The following CSMD1 variants were observed in gnomAD, a reference collection of about 807,000 sequenced individuals.
CSMD1 encodes CUB and Sushi multiple domains 1.
CSMD1 carries 213 observed loss-of-function variants against 417.5 expected under a neutral mutation model. The ratio of observed to expected loss-of-function variants is 0.51; its 90% CI spans 0.46 to 0.57. The LOEUF (loss-of-function observed/expected upper bound fraction) is 0.57, where lower values mean the gene tolerates loss of function less well. Among genes scored for constraint, CSMD1 ranks in the 20% least tolerant of loss-of-function variants. The probability of loss-of-function intolerance (pLI) is 0.00; values close to 1 mark genes in which losing one functional copy is unlikely to be tolerated. For synonymous variants in CSMD1, 2,862 were observed against 1,736.8 expected, an observed-to-expected ratio of 1.65 and a Z score of -16.11; for missense variants, 6,923 against 4,529.7, an observed-to-expected ratio of 1.53 and a Z score of -15.17.
At chr8:3,833,159 A>C (rs1802468716) in intron 5 of CSMD1, among the ~76,000 whole-genome samples, 1 of 152,170 alleles carries the variant, frequency 6.6e-6, no homozygotes, top group African/African-American at 2.4e-5. Flanking sequence ...TTAAAATTTC[A>C]GGAAAGTATA....
intron 5 of CSMD1, among the ~76,000 whole-genome samples, chr8:3,831,329 C>G (rs1032726604): frequency 6.6e-6 from 1 of 152,158 alleles, no homozygotes; most frequent in Admixed American, 6.6e-5. Flanking sequence ...ACAGCTCCAT[C>G]TGTCTCCTTC....
rs377532264 is a variant in CSMD1 at position 4,600,292 on chromosome 8, A to ACTC, written c.302+37047_302+37049dup. On this transcript the variant is annotated intron_variant, in intron 2 of 69. Coordinates refer to ENST00000635120, the MANE Select transcript of CSMD1 (RefSeq NM_033225.6). Reference sequence around the variant, plus strand: ...TTTGACTTCCAGGTTGACCTTAGGTACTCTATGTAGCAAATATAGAGATGG... The same window carrying ACTC: ...TTTGACTTCCAGGTTGACCTTAGGTACTCCTCTATGTAGCAAATATAGAGATGG... Among the ~76,000 whole-genome samples the ACTC allele has an allele frequency of 2.6e-5, 4 of 152,222 alleles. No individual in the cohort carries two copies. The East Asian group carries it at 7.7e-4, about 29-fold the overall frequency.
intron 1 of CSMD1, among the ~76,000 whole-genome samples, chr8:4,886,109 G>A (rs1051325813): frequency 6.6e-6 from 1 of 152,046 alleles, no homozygotes; most frequent in African/African-American, 2.4e-5. Context: ...TCCTGCCTCA[G>A]CCTCCTGAGT....
intron 24 of CSMD1, 48 bp from the exon 25 acceptor site, chr8:3,307,869 T>G: frequency 6.3e-7 from 1 of 1,585,572 alleles, no homozygotes; most frequent in African/African-American, 1.4e-5. Flanking sequence ...AGGCATCACA[T>G]GTTTCTATTT....
At chr8:4,603,214 A>G (rs1800689351) in intron 2 of CSMD1, among the ~76,000 whole-genome samples, 1 of 152,096 alleles carries the variant, frequency 6.6e-6, no homozygotes, top group South Asian at 2.1e-4. Flanking sequence ...CACCAAAGCA[A>G]TAGAAGAAAA....
intron 7 of CSMD1, among the ~76,000 whole-genome samples, chr8:3,703,676 G>T (rs929193206): frequency 5.3e-5 from 8 of 152,174 alleles, no homozygotes; most frequent in African/African-American, 1.9e-4. Flanking sequence ...AGATGAGCCT[G>T]CAGGATGTGC....
At chr8:3,152,433 C>G (rs1819254448) in intron 39 of CSMD1, among the ~76,000 whole-genome samples, 1 of 152,292 alleles carries the variant, frequency 6.6e-6, no homozygotes, top group East Asian at 1.9e-4. Context: ...ACAATGCTCT[C>G]ATTATGCAAA....
rs1391373336 is a variant in CSMD1, at chr8:4,212,016, TG to T, written c.416-179918del. Among the ~76,000 whole-genome samples the T allele has an allele frequency of 4.6e-5, 7 of 152,188 alleles. 1 individual carries two copies. Among genetic ancestry groups the T allele is most frequent in the Non-Finnish European group, 8.8e-5 (6 of 68,008 alleles). The stretch of plus-strand genomic sequence containing the variant: ...TAAAATAGCAGTTGAAACTTGCATT[TG>T]TGCAGCTGTAATGCAATAAAAGGAC... On this transcript the variant is annotated intron_variant, in intron 3 of 69. Coordinates refer to ENST00000635120, the MANE Select transcript of CSMD1 (RefSeq NM_033225.6).
At chr8:4,223,438 T>C (rs12677763) in intron 3 of CSMD1, among the ~76,000 whole-genome samples, 5,977 of 152,300 alleles carry the variant, frequency 0.039, 139 homozygotes, top group East Asian at 0.11. Flanking sequence ...ACGTGACGAA[T>C]AGGCTGACTG....
intron 1 of CSMD1, among the ~76,000 whole-genome samples, chr8:4,741,241 A>G (rs1415106929): frequency 6.6e-6 from 1 of 152,192 alleles, no homozygotes; most frequent in Non-Finnish European, 1.5e-5. Context: ...AACTTTTACT[A>G]ATTAGGCTTA....
At chr8:4,373,630 C>T (rs570366627) in intron 3 of CSMD1, among the ~76,000 whole-genome samples, 2 of 152,232 alleles carry the variant, frequency 1.3e-5, no homozygotes, top group Admixed American at 1.3e-4. Flanking sequence ...ACTGAAATTT[C>T]TTTTCTAAAA....
intron 2 of CSMD1, among the ~76,000 whole-genome samples, chr8:4,527,075 C>T (rs1796552556): frequency 6.6e-6 from 1 of 152,110 alleles, no homozygotes; most frequent in South Asian, 2.1e-4. Context: ...GGATCCAAGA[C>T]ATAATTTTTT....
chr8:4,435,042 G>T (rs968037930), intron 2 of CSMD1, among the ~76,000 whole-genome samples: 2 of 152,092 alleles, frequency 1.3e-5, no homozygotes, highest in Non-Finnish European at 2.9e-5. Context: ...ACTGTTGAAT[G>T]TCTAATATAG....
At chr8:3,522,126 T>C (rs1457424868) in intron 10 of CSMD1, among the ~76,000 whole-genome samples, 1 of 152,248 alleles carries the variant, frequency 6.6e-6, no homozygotes, top group Non-Finnish European at 1.5e-5. Context: ...TTCTGTATTC[T>C]TTAAACTACC....
At chr8:4,717,563 T>TATCTATCTATCTATCC (rs765602082) in intron 1 of CSMD1, among the ~76,000 whole-genome samples, 17 of 137,262 alleles carry the variant, frequency 1.2e-4, no homozygotes, top group African/African-American at 4.7e-4. Flanking sequence ...TCTATCTATC[T>TATCTATCTATCTATCC]ATCCATCCAT....
At chr8:4,993,843 G>T (rs1186240444) in intron 1 of CSMD1, among the ~76,000 whole-genome samples, 2 of 152,136 alleles carry the variant, frequency 1.3e-5, no homozygotes, top group African/African-American at 4.8e-5. Flanking sequence ...GGCCGGCGGA[G>T]ACCTTTGCCT....
chr8:4,505,848 T>C (rs907099192), intron 2 of CSMD1, among the ~76,000 whole-genome samples: 2 of 151,832 alleles, frequency 1.3e-5, no homozygotes, highest in African/African-American at 4.8e-5. Flanking sequence ...TCACCCACAA[T>C]AGAGTACAGT....
At chr8:4,580,045 C>T (rs1799339078) in intron 2 of CSMD1, among the ~76,000 whole-genome samples, 1 of 152,214 alleles carries the variant, frequency 6.6e-6, no homozygotes, top group Non-Finnish European at 1.5e-5. Context: ...TGTGACCAAC[C>T]TACATGAGTG....
At chr8:4,131,398 C>A (rs573372219) in intron 3 of CSMD1, among the ~76,000 whole-genome samples, 2 of 152,142 alleles carry the variant, frequency 1.3e-5, no homozygotes, top group African/African-American at 4.8e-5. Context: ...TTAAGCCTTC[C>A]TTGAGCTATT....
Sources: allele counts gnomAD v4.1 joint callset (sites outside exome capture counted in the v4.1 genomes callset), GRCh38; gene constraint gnomAD v4.1.1; transcripts MANE v1.5; gene names NCBI Gene and HGNC (gene_info 2026-07-23, HGNC 2026-07-21).